RAB44: variants seen among roughly 807,000 people sequenced by gnomAD.
RAB44 encodes the protein RAB44, member RAS oncogene family.
In RAB44, 67 loss-of-function variants were observed where a neutral mutation model predicts 93.3. That is an observed-to-expected ratio of 0.72 (90% CI 0.59 to 0.88). RAB44 has a LOEUF of 0.88. Among genes scored for constraint, RAB44 ranks in the 40% least tolerant of loss-of-function variants. The probability of loss-of-function intolerance (pLI) is 0.00; values close to 1 mark genes in which losing one functional copy is unlikely to be tolerated. For synonymous variants in RAB44, 427 were observed against 520.3 expected, an observed-to-expected ratio of 0.82 and a Z score of 2.44; for missense variants, 1,064 against 1,261.7, an observed-to-expected ratio of 0.84 and a Z score of 2.37.
chr6:36,704,539 G>A, intron 2 of RAB44, 97 bp downstream of exon 2: 1 of 1,141,664 alleles, frequency 8.8e-7, no homozygotes, highest in Non-Finnish European at 1.3e-6. Context: ...TGCTACCCCT[G>A]CCCCTTTCTC....
chr6:36,720,690 T>G, intron 8 of RAB44, 140 bp downstream of exon 8: 2 of 672,540 alleles, frequency 3.0e-6, no homozygotes, highest in Non-Finnish European at 4.2e-6. Flanking sequence ...TCTGCCAAGC[T>G]GGAACTATCA....
chr6:36,705,110 C>CAAAAAA, intron 2 of RAB44, among the ~76,000 whole-genome samples: 1 of 85,500 alleles, frequency 1.2e-5, no homozygotes, highest in Non-Finnish European at 2.5e-5. Context: ...GACTCCATCT[C>CAAAAAA]AAAAAAAAAA....
intron 2 of RAB44, among the ~76,000 whole-genome samples, chr6:36,712,837 C>G (rs1462483466): frequency 2.6e-5 from 4 of 152,214 alleles, no homozygotes; most frequent in Non-Finnish European, 5.9e-5. Context: ...CTGGTTTAGA[C>G]CAGACCATCA....
In RAB44 at chr6:36,730,765, C is replaced by A; in HGVS notation, c.2975+16C>A. The A allele has an allele frequency of 1.0e-6, 1 of 1,002,604 alleles. No homozygotes were observed. Among genetic ancestry groups the A allele is most frequent in the Non-Finnish European group, 1.2e-6 (1 of 822,926 alleles). 62.1% of individuals were successfully genotyped at this position (1,002,604 alleles called of 1,614,324 possible). On this transcript the variant is annotated intron_variant, in intron 13 of 13. Coordinates refer to ENST00000612677, the MANE Select transcript of RAB44 (RefSeq NM_001257357.2). ...ACCTGGCCAGGTAAGTGCTGCCCGC[C>A]CCCCGCCGCCCCCACCCCCCCCCTT...
chr6:36,730,763 G>GCCCCCCGCCGCCCCCACCC lies in RAB44; in HGVS notation c.2975+21_2975+39dup. 1 of 1,100,694 alleles carries GCCCCCCGCCGCCCCCACCC rather than the reference G, an allele frequency of 9.1e-7. No homozygotes were observed. The highest frequency in any genetic ancestry group is 1.1e-6 in the Non-Finnish European group (1 of 907,672). The allele number at this position is 1,100,694 out of a possible 1,614,324, so 68.2% of individuals were successfully genotyped here. A position where few individuals can be genotyped will look rare whatever the true frequency, so the allele number is the denominator to read the frequency against. On this transcript the variant is annotated intron_variant, in intron 13 of 13. Transcript: ENST00000612677. ...AAACCTGGCCAGGTAAGTGCTGCCC[G>GCCCCCCGCCGCCCCCACCC]CCCCCCGCCGCCCCCACCCCCCCCC... is the stretch of plus-strand genomic sequence containing the variant.
intron 7 of RAB44, among the ~76,000 whole-genome samples, chr6:36,719,803 G>A (rs942808440): frequency 2.0e-5 from 3 of 152,222 alleles, no homozygotes; most frequent in African/African-American, 7.2e-5. Flanking sequence ...GGCATGAGCT[G>A]TGGAAGTTCA....
Position 36,721,845 on chromosome 6 carries a change from A to C in RAB44, c.1711A>C (p.Thr571Pro). Reference sequence around the variant, plus strand: ...GGAAACCCAGCCCGGACCCTCACCCACAACTGCCCTCACAGGAGTGGGCCC... The same window carrying C: ...GGAAACCCAGCCCGGACCCTCACCCCCAACTGCCCTCACAGGAGTGGGCCC... ...ERETQPGPSP[T>P]TALTGVGPAK... The change falls in exon 9 of 14, where the codon ACA becomes CCA. Residue 571 changes from threonine to proline, a missense_variant. Transcript: ENST00000612677. The C allele has an allele frequency of 4.0e-6, 5 of 1,234,798 alleles. No homozygotes were observed. The highest frequency in any genetic ancestry group is 5.1e-6 in the Non-Finnish European group (5 of 988,622). The allele number at this position is 1,234,798 out of a possible 1,614,324, so 76.5% of individuals were successfully genotyped here.
Position 36,699,115 on chromosome 6 carries a change from G to A in RAB44, c.-13+1200G>A, listed in dbSNP as rs559021683. ...GGGCACCTGCTGCCTTCCTGCCCCA[G>A]GCCACCTGTCAGGCAAGGAGCGGGT... On this transcript the variant is annotated intron_variant, in intron 1 of 13. Transcript: ENST00000612677. Among the ~76,000 whole-genome samples, 5 of 152,256 alleles carry A rather than the reference G, an allele frequency of 3.3e-5. No individual in the cohort carries two copies. The South Asian group carries it at 1.0e-3, about 32-fold the overall frequency.
chr6:36,715,400 C>A, intron 3 of RAB44, 79 bp from the exon 4 acceptor site: 1 of 1,337,566 alleles, frequency 7.5e-7, no homozygotes, highest in African/African-American at 1.5e-5. Context: ...TCCCTGAGGG[C>A]TGGACCAGGG....
At chr6:36,715,766 A>C in intron 4 of RAB44, 113 bp downstream of exon 4, 2 of 1,122,578 alleles carry the variant, frequency 1.8e-6, no homozygotes, top group Non-Finnish European at 2.5e-6. Flanking sequence ...AGCCAAGTGC[A>C]AATTCTGGCT....
chr6:36,708,812 G>A (rs1426316003), intron 2 of RAB44, among the ~76,000 whole-genome samples: 1 of 152,040 alleles, frequency 6.6e-6, no homozygotes, highest in Non-Finnish European at 1.5e-5. Flanking sequence ...CCCTTGCTAA[G>A]AGCTCTAAGA....
intron 9 of RAB44, among the ~76,000 whole-genome samples, chr6:36,723,504 C>G (rs1183182325): frequency 6.6e-6 from 1 of 152,066 alleles, no homozygotes; most frequent in East Asian, 1.9e-4. Context: ...CTAAAAGTAT[C>G]AGGATATGTG....
At position 36,718,011 on chromosome 6, in the gene RAB44, A is replaced by G. The variant is rs1239898207; in HGVS notation, c.642-17A>G. 8.1e-7 allele frequency: 1 copy of G among 1,230,742 alleles called. No homozygotes were observed. 76.2% of individuals were successfully genotyped at this position (1,230,742 alleles called of 1,614,324 possible). A position where few individuals can be genotyped will look rare whatever the true frequency, so the allele number is the denominator to read the frequency against. The stretch of plus-strand genomic sequence containing the variant: ...GGTGCTGATGGGCTGCCTGGCCCCA[A>G]CTCCTGCTCCTCCCAGGCGTGACTC... On this transcript the variant is annotated splice_polypyrimidine_tract_variant and intron_variant, in intron 5 of 13. Coordinates refer to ENST00000612677, the MANE Select transcript of RAB44 (RefSeq NM_001257357.2).
Position 36,717,897 on chromosome 6 carries a change from G to A in RAB44, c.642-131G>A, listed in dbSNP as rs1309753558. ...GGATGGCTGTTCTCAGGGTGACAGA[G>A]GTCAGTGACTGCTGGCAGAGTGAGG... On this transcript the variant is annotated intron_variant, in intron 5 of 13. Transcript: ENST00000612677. The surrounding 1 kb of genome is among the most constrained non-coding windows in gnomAD (Gnocchi z 4.1). 3 of 438,030 alleles carry A rather than the reference G, an allele frequency of 6.8e-6. No homozygotes were observed. The highest frequency in any genetic ancestry group is 6.1e-5 in the African/African-American group (3 of 49,360). The allele number at this position is 438,030 out of a possible 1,614,324, so 27.1% of individuals were successfully genotyped here. A position where few individuals can be genotyped will look rare whatever the true frequency, so the allele number is the denominator to read the frequency against.
Position 36,725,874 on chromosome 6 carries a change from G to C in RAB44, c.2612G>C (p.Arg871Pro). Residue 871 changes from arginine to proline, a missense_variant, in exon 10 of 14, where the codon CGG becomes CCG. Transcript: ENST00000612677. ...GLTATVGVDF[R>P]VKTLLVDNKC... ...CTATGTGTCCTAGGAGTAGATTTTC[G>C]GGTCAAAACCTTGCTGGTGGACAAC... 6.4e-7 allele frequency: 1 copy of C among 1,550,510 alleles called. No individual in the cohort carries two copies. The highest frequency in any genetic ancestry group is 1.2e-5 in the South Asian group (1 of 84,048).
intron 4 of RAB44, 92 bp downstream of exon 4, chr6:36,715,745 G>A: frequency 7.4e-7 from 1 of 1,349,650 alleles, no homozygotes; most frequent in Non-Finnish European, 1.0e-6. Context: ...AAGGGGGCAG[G>A]CGCCAGGTAG....
At chr6:36,724,091 C>T (rs1436704950) in intron 9 of RAB44, among the ~76,000 whole-genome samples, 1 of 151,874 alleles carries the variant, frequency 6.6e-6, no homozygotes, top group Non-Finnish European at 1.5e-5. Context: ...AGCAGGCTGG[C>T]CTGATGTTGA....
intron 2 of RAB44, among the ~76,000 whole-genome samples, chr6:36,708,237 A>G (rs1295501772): frequency 1.3e-5 from 2 of 152,028 alleles, no homozygotes; most frequent in East Asian, 3.8e-4. Flanking sequence ...AAAAGAACAT[A>G]TTATAAATAG....
At chr6:36,728,661 C>T (rs1763292148) in intron 11 of RAB44, 39 bp from the exon 12 acceptor site, 5 of 1,521,994 alleles carry the variant, frequency 3.3e-6, no homozygotes, top group Non-Finnish European at 4.5e-6. Flanking sequence ...GAGCCTGGCA[C>T]ACAGTGGGTG....
Sources: allele counts gnomAD v4.1 joint callset (sites outside exome capture counted in the v4.1 genomes callset), GRCh38; gene constraint gnomAD v4.1.1; non-coding constraint Gnocchi (gnomAD v3.1); transcripts MANE v1.5; gene names NCBI Gene and HGNC (gene_info 2026-07-23, HGNC 2026-07-21).